The following TBCE variants were observed in gnomAD, a reference collection of about 807,000 sequenced individuals.
The protein encoded by TBCE is tubulin-specific chaperone E.
TBCE carries 53 observed loss-of-function variants against 77.0 expected under a neutral mutation model. The observed-to-expected ratio is 0.69, with a 90% CI of 0.55 to 0.87. The LOEUF (loss-of-function observed/expected upper bound fraction) is 0.87. Ranked by LOEUF, TBCE falls within the 40% of genes least tolerant of loss-of-function variation. The probability of loss-of-function intolerance (pLI) is 0.00; values close to 1 mark genes in which losing one functional copy is unlikely to be tolerated. For missense variants in TBCE, 624 were observed against 622.4 expected (o/e 1.00, Z -0.03); for synonymous variants, 235 against 241.3 (o/e 0.97, Z 0.24).
chr1:235,368,223 C>T (rs1676680700), intron 1 of TBCE, among the ~76,000 whole-genome samples: 1 of 152,088 alleles, frequency 6.6e-6, no homozygotes, highest in African/African-American at 2.4e-5. Context: ...ACTATTTTTA[C>T]TTGGTGTTTA....
intron 8 of TBCE, among the ~76,000 whole-genome samples, chr1:235,434,880 G>A (rs1487860114): frequency 6.6e-6 from 1 of 152,008 alleles, no homozygotes; most frequent in Non-Finnish European, 1.5e-5. Flanking sequence ...TTTTTCATTA[G>A]CATCATCTGT....
intron 15 of TBCE, among the ~76,000 whole-genome samples, chr1:235,446,765 A>G (rs1052162542): frequency 1.3e-5 from 2 of 150,354 alleles, no homozygotes; most frequent in Non-Finnish European, 2.9e-5. Flanking sequence ...TGGCGCGATC[A>G]TGGCTCACTG....
chr1:235,441,706 A>G, intron 13 of TBCE, 108 bp from the exon 14 acceptor site: 1 of 988,798 alleles, frequency 1.0e-6, no homozygotes, highest in East Asian at 2.6e-5. Flanking sequence ...GTCCTGGGAA[A>G]GGCACAGGCT....
intron 2 of TBCE, among the ~76,000 whole-genome samples, chr1:235,401,291 G>A (rs1443218737): frequency 6.6e-6 from 1 of 152,058 alleles, no homozygotes; most frequent in Non-Finnish European, 1.5e-5. Flanking sequence ...CTTGTTTTCT[G>A]GAGTGGTGGT....
chr1:235,448,902 T>TTAG lies in TBCE; in HGVS notation c.*141_*142insAGT. On this transcript the variant is annotated 3_prime_UTR_variant, in exon 17 of 17. Coordinates refer to ENST00000642610, the MANE Select transcript of TBCE (RefSeq NM_003193.5). ...CCTAAGTATAACAAGGGATGTATTT[T>TTAG]TTGTTGGGAAGTGACCATTTCTAGG... 1 of 712,404 alleles carries TTAG rather than the reference T, an allele frequency of 1.4e-6. No individual in the cohort carries two copies. The highest frequency in any genetic ancestry group is 2.5e-6 in the Non-Finnish European group (1 of 402,570). 44.1% of individuals were successfully genotyped at this position (712,404 alleles called of 1,614,324 possible).
intron 10 of TBCE, 37 bp downstream of exon 10, chr1:235,436,487 A>G: frequency 6.2e-7 from 1 of 1,610,162 alleles, no homozygotes; most frequent in Middle Eastern, 1.7e-4. Flanking sequence ...CTGCCCCCCC[A>G]CACTATACTT....
At chr1:235,371,612 T>A (rs1676958533) in intron 1 of TBCE, among the ~76,000 whole-genome samples, 1 of 151,808 alleles carries the variant, frequency 6.6e-6, no homozygotes, top group Non-Finnish European at 1.5e-5. Context: ...CCAACCTCAG[T>A]TGATCCACCC....
chr1:235,380,039 G>T lies in TBCE; in HGVS notation c.-11G>T, dbSNP rs375501647. On this transcript the variant is annotated 5_prime_UTR_variant, in exon 2 of 17. Coordinates refer to ENST00000642610, the MANE Select transcript of TBCE (RefSeq NM_003193.5). ...CCTAGATCTCATATTTTGGATTCTG[G>T]ATATATTATAATGAGTGACACTTTG... 6.2e-7 allele frequency: 1 copy of T among 1,608,142 alleles called. No homozygotes were observed. Among genetic ancestry groups the T allele is most frequent in the Non-Finnish European group, 8.5e-7 (1 of 1,174,834 alleles).
At chr1:235,374,114 G>A (rs1677146851) in intron 1 of TBCE, among the ~76,000 whole-genome samples, 1 of 144,848 alleles carries the variant, frequency 6.9e-6, no homozygotes, top group Non-Finnish European at 1.5e-5. Flanking sequence ...TTGCCACCAT[G>A]CCTGGCTAAT....
chr1:235,384,839 AT>A (rs1283175276), intron 2 of TBCE, among the ~76,000 whole-genome samples: 2 of 151,176 alleles, frequency 1.3e-5, no homozygotes, highest in African/African-American at 4.9e-5. Context: ...GATTTTAGTT[AT>A]TTCTTGCCTT....
chr1:235,391,017 A>G (rs1180277805), intron 2 of TBCE, among the ~76,000 whole-genome samples: 1 of 151,966 alleles, frequency 6.6e-6, no homozygotes, highest in East Asian at 1.9e-4. Flanking sequence ...GGGCCACAGT[A>G]TGGGCTGCAG....
intron 2 of TBCE, among the ~76,000 whole-genome samples, chr1:235,399,901 GAAAAC>G (rs1259008732): frequency 1.1e-3 from 173 of 152,224 alleles, no homozygotes; most frequent in African/African-American, 4.0e-3. Context: ...GGTGTGTGGG[GAAAAC>G]CCCCACACAT....
intron 7 of TBCE, among the ~76,000 whole-genome samples, chr1:235,431,961 C>T (rs540087497): frequency 6.3e-4 from 93 of 146,822 alleles, no homozygotes; most frequent in African/African-American, 1.9e-3. Flanking sequence ...CGTGAGCCAC[C>T]GTGCCCAGCC....
In TBCE at chr1:235,398,965, C is replaced by T. The variant is rs572163515; in HGVS notation, c.101-2538C>T. Among the ~76,000 whole-genome samples, 6 of 145,558 alleles carry T rather than the reference C, an allele frequency of 4.1e-5. No individual in the cohort carries two copies. In the East Asian group the frequency reaches 1.1e-3, roughly 26 times the overall value. On this transcript the variant is annotated intron_variant, in intron 2 of 16. Coordinates refer to ENST00000642610, the MANE Select transcript of TBCE (RefSeq NM_003193.5). The stretch of plus-strand genomic sequence containing the variant: ...CAGCCACTATTTCTTTTCTTTTTTT[C>T]TTTTTTGAGACAGAGTCTCCCTCTG...
chr1:235,430,346 C>T (rs1558384289), intron 6 of TBCE: 1 of 226,576 alleles, frequency 4.4e-6, no homozygotes, highest in Non-Finnish European at 8.8e-6. Flanking sequence ...CAGTAAGACT[C>T]TGGAGAACGG....
At chr1:235,426,937 C>T (rs999734926) in intron 5 of TBCE, among the ~76,000 whole-genome samples, 18 of 152,198 alleles carry the variant, frequency 1.2e-4, no homozygotes, top group Non-Finnish European at 1.6e-4. Context: ...TGAGCCACCG[C>T]GCCTGGCCTC....
chr1:235,436,911 G>T (rs935390129), intron 11 of TBCE, among the ~76,000 whole-genome samples: 3 of 151,620 alleles, frequency 2.0e-5, no homozygotes, highest in African/African-American at 4.9e-5. Context: ...CTGAGGTCGG[G>T]AGTTCGAGAC....
chr1:235,448,970 G>A lies in TBCE; in HGVS notation c.*208G>A, dbSNP rs1218893081. Reference sequence around the variant, plus strand: ...TAATAAAGGCTTTGAACCTACTAATGATTTTCTGATCTTATTTCATATTTA... The same window carrying A: ...TAATAAAGGCTTTGAACCTACTAATAATTTTCTGATCTTATTTCATATTTA... On this transcript the variant is annotated 3_prime_UTR_variant, in exon 17 of 17. Transcript: ENST00000642610. 28 of 487,266 alleles carry A rather than the reference G, an allele frequency of 5.7e-5. 1 individual carries two copies. The highest frequency in any genetic ancestry group is 4.2e-4 in the South Asian group (20 of 47,560). 30.2% of individuals were successfully genotyped at this position (487,266 alleles called of 1,614,324 possible). A position where few individuals can be genotyped will look rare whatever the true frequency, so the allele number is the denominator to read the frequency against.
chr1:235,446,498 T>G (rs570282911), intron 15 of TBCE, among the ~76,000 whole-genome samples: 14 of 151,860 alleles, frequency 9.2e-5, no homozygotes, highest in African/African-American at 3.4e-4. Context: ...CATCCTTATA[T>G]GAACACAGAA....
Sources: allele counts gnomAD v4.1 joint callset (sites outside exome capture counted in the v4.1 genomes callset), GRCh38; gene constraint gnomAD v4.1.1; transcripts MANE v1.5; gene names NCBI Gene and HGNC (gene_info 2026-07-23, HGNC 2026-07-21).